The following TENM2 variants were observed in gnomAD, a reference collection of about 807,000 sequenced individuals.
TENM2 encodes teneurin-2.
A neutral mutation model predicts 245.2 loss-of-function variants in TENM2; 52 were observed. That is an observed-to-expected ratio of 0.21 (90% CI 0.17 to 0.27). The LOEUF (loss-of-function observed/expected upper bound fraction) is 0.27. TENM2 is among the 10% of genes least tolerant of loss of function. The probability of loss-of-function intolerance (pLI) is 1.00; values close to 1 mark genes in which losing one functional copy is unlikely to be tolerated. For synonymous variants in TENM2, 1,363 were observed against 1,438.9 expected, an observed-to-expected ratio of 0.95 and a Z score of 1.19; for missense variants, 3,046 against 3,666.8, an observed-to-expected ratio of 0.83 and a Z score of 4.37.
intron 2 of TENM2, among the ~76,000 whole-genome samples, chr5:167,535,878 A>G (rs1771808156): frequency 6.6e-6 from 1 of 152,222 alleles, no homozygotes; most frequent in Non-Finnish European, 1.5e-5. Flanking sequence ...ATCAAAGGCA[A>G]GAAATCAGAG....
chr5:167,916,611 T>C (rs540973697), intron 3 of TENM2, among the ~76,000 whole-genome samples: 74 of 151,836 alleles, frequency 4.9e-4, no homozygotes, highest in African/African-American at 1.6e-3. Flanking sequence ...CTCCCTCCCT[T>C]CTCCCCCAGC....
At chr5:167,523,203 T>C (rs1256650604) in intron 2 of TENM2, among the ~76,000 whole-genome samples, 2 of 152,136 alleles carry the variant, frequency 1.3e-5, no homozygotes, top group South Asian at 2.1e-4. Context: ...TTTAATGTAA[T>C]AGCCACTCTG....
chr5:167,775,122 C>T (rs1029704109), intron 2 of TENM2, among the ~76,000 whole-genome samples: 2 of 152,132 alleles, frequency 1.3e-5, no homozygotes, highest in African/African-American at 4.8e-5. Context: ...GCGTGCACCA[C>T]CACACCCAGC....
intron 25 of TENM2, among the ~76,000 whole-genome samples, chr5:168,238,212 AGG>A (rs1491199718): frequency 2.1e-5 from 2 of 94,290 alleles, no homozygotes; most frequent in African/African-American, 3.9e-5. Flanking sequence ...GGAGGGAGGG[AGG>A]GAGAGAGAAG....
the TENM2 span, among the ~76,000 whole-genome samples, chr5:167,013,422 G>A: frequency 6.6e-6 from 1 of 152,140 alleles, no homozygotes; most frequent in Non-Finnish European, 1.5e-5. Flanking sequence ...TTCTTTGACA[G>A]CCATATTCTG....
chr5:167,932,642 C>T (rs1025985921), intron 3 of TENM2, among the ~76,000 whole-genome samples: 1 of 152,066 alleles, frequency 6.6e-6, no homozygotes, highest in Admixed American at 6.6e-5. Context: ...GTACCTCTTC[C>T]TCCAGGAAGC....
intron 14 of TENM2, 138 bp downstream of exon 16, chr5:168,190,685 A>G (rs529399855): frequency 3.0e-6 from 2 of 676,144 alleles, no homozygotes; most frequent in African/African-American, 3.6e-5. Flanking sequence ...TCCAAGGGGG[A>G]CTCAGAGAAG....
chr5:167,982,883 TCTAA>T (rs1347698413), intron 4 of TENM2, among the ~76,000 whole-genome samples: 3 of 152,174 alleles, frequency 2.0e-5, no homozygotes, highest in Non-Finnish European at 4.4e-5. Context: ...TTGAACACTG[TCTAA>T]CTGTCTGAAT....
At chr5:167,783,225 C>T (rs1239920833) in intron 2 of TENM2, among the ~76,000 whole-genome samples, 2 of 147,334 alleles carry the variant, frequency 1.4e-5, no homozygotes, top group East Asian at 2.0e-4. Flanking sequence ...TTTCCTCCTT[C>T]CCCCAGGAGG....
At chr5:167,354,907 G>C (rs1466313722) in intron 1 of TENM2, among the ~76,000 whole-genome samples, 1 of 152,086 alleles carries the variant, frequency 6.6e-6, no homozygotes, top group Non-Finnish European at 1.5e-5. Flanking sequence ...GAAGCCTCAG[G>C]GGATTAAGGA....
At chr5:168,223,030 C>T (rs945182081) in intron 23 of TENM2, among the ~76,000 whole-genome samples, 2 of 152,198 alleles carry the variant, frequency 1.3e-5, no homozygotes, top group African/African-American at 2.4e-5. Flanking sequence ...GAACTTACAG[C>T]GCTTCACTCC....
intron 2 of TENM2, among the ~76,000 whole-genome samples, chr5:167,563,329 T>C (rs570565853): frequency 6.6e-6 from 1 of 152,328 alleles, no homozygotes; most frequent in East Asian, 1.9e-4. Context: ...TGGTGGCTAT[T>C]CTGGTGAGTA....
the TENM2 span, among the ~76,000 whole-genome samples, chr5:167,200,002 A>T: frequency 6.6e-6 from 1 of 152,082 alleles, no homozygotes; most frequent in African/African-American, 2.4e-5. Flanking sequence ...AAGAGCTGGA[A>T]CTTAGGGATA....
chr5:167,856,437 G>C (rs1771105221), intron 2 of TENM2, among the ~76,000 whole-genome samples: 1 of 152,130 alleles, frequency 6.6e-6, no homozygotes, highest in Non-Finnish European at 1.5e-5. Flanking sequence ...ATGAAACTAG[G>C]GTTGGCCAAA....
chr5:167,121,392 G>A, the TENM2 span, among the ~76,000 whole-genome samples: 2 of 152,172 alleles, frequency 1.3e-5, no homozygotes, highest in South Asian at 4.1e-4. Context: ...AGAAGAAAGA[G>A]CCAGTTAGGC....
At chr5:167,804,723 A>G (rs1377050791) in intron 2 of TENM2, among the ~76,000 whole-genome samples, 1 of 152,126 alleles carries the variant, frequency 6.6e-6, no homozygotes, top group African/African-American at 2.4e-5. Flanking sequence ...AGCACACTTT[A>G]TAACATCTCT....
At chr5:167,872,546 AAG>A (rs369075447) in intron 2 of TENM2, among the ~76,000 whole-genome samples, 62,914 of 112,680 alleles carry the variant, frequency 0.56, 17,771 homozygotes, top group Non-Finnish European at 0.65. Context: ...GAAAGAAAGA[AAG>A]AGAAAGAAAG....
chr5:167,960,988 G>A (rs936401875), intron 4 of TENM2, among the ~76,000 whole-genome samples: 3 of 152,166 alleles, frequency 2.0e-5, no homozygotes, highest in East Asian at 1.9e-4. Context: ...TGGGTGAGGC[G>A]ACGCCCCGCC....
intron 2 of TENM2, among the ~76,000 whole-genome samples, chr5:167,466,960 C>T (rs1470091940): frequency 6.6e-6 from 1 of 152,124 alleles, no homozygotes; most frequent in Non-Finnish European, 1.5e-5. Context: ...ATAATCAAGG[C>T]ATGCAGCATA....
Sources: gnomAD v4.1 joint callset for allele counts (sites outside exome capture counted in the v4.1 genomes callset) on GRCh38, gnomAD v4.1.1 for gene constraint, MANE v1.5 for transcripts, NCBI Gene and HGNC (gene_info 2026-07-23, HGNC 2026-07-21) for gene names.